The following TMEM230 variants were observed in gnomAD, a reference collection of about 807,000 sequenced individuals.
TMEM230 encodes transmembrane protein 230.
In TMEM230, 10 loss-of-function variants were observed where a neutral mutation model predicts 15.8. The observed-to-expected ratio is 0.63, with a 90% CI of 0.39 to 1.07. The LOEUF is 1.07. Ranked by LOEUF, TMEM230 falls within the 50% of genes least tolerant of loss-of-function variation. The pLI is 0.01. For synonymous variants in TMEM230, 67 were observed against 76.9 expected, an observed-to-expected ratio of 0.87 and a Z score of 0.68; for missense variants, 165 against 193.3, an observed-to-expected ratio of 0.85 and a Z score of 0.87.
At chr20:5,063,696 A>G (rs1007921993), downstream of TMEM230, among the ~76,000 whole-genome samples, 4 of 152,210 alleles carry the variant, frequency 2.6e-5, no homozygotes, top group Admixed American at 1.3e-4. Flanking sequence ...CAGAAAAGTG[A>G]AAAGTCATAC....
rs1302272621 is a variant in TMEM230 at position 5,100,264 on chromosome 20, G to A, written c.*527C>T. On this transcript the variant is annotated 3_prime_UTR_variant, in exon 5 of 5. Coordinates refer to ENST00000342308, the MANE Select transcript of TMEM230 (RefSeq NM_001009923.2). Reference sequence around the variant, plus strand: ...GCTCTGCAGGATAAAAAAATTCCTGGTTGCTGTCAGTAAGAAAGCAAGTAA... The same window carrying A: ...GCTCTGCAGGATAAAAAAATTCCTGATTGCTGTCAGTAAGAAAGCAAGTAA... 1.0e-6 allele frequency: 1 copy of A among 985,308 alleles called. No individual in the cohort carries two copies. Among genetic ancestry groups the A allele is most frequent in the African/African-American group, 1.7e-5 (1 of 57,222 alleles). 61.0% of individuals were successfully genotyped at this position (985,308 alleles called of 1,614,324 possible). A position where few individuals can be genotyped will look rare whatever the true frequency, so the allele number is the denominator to read the frequency against.
chr20:5,072,785 G>A (rs2088868639), intron 3 of TMEM230, among the ~76,000 whole-genome samples: 1 of 145,972 alleles, frequency 6.9e-6, no homozygotes, highest in Admixed American at 7.3e-5. Context: ...GGAGGCGGAG[G>A]TTGCAGTGAG....
At chr20:5,076,651 CT>C (rs572738642) in intron 3 of TMEM230, among the ~76,000 whole-genome samples, 50 of 149,794 alleles carry the variant, frequency 3.3e-4, no homozygotes, top group African/African-American at 1.2e-3. Flanking sequence ...TATACTTTGC[CT>C]GTTTATATTC....
rs6116631 is a variant in TMEM230, at chr20:5,072,719, G to A, written c.223-3370C>T. Among the ~76,000 whole-genome samples, 90 of 151,684 alleles carry A rather than the reference G, an allele frequency of 5.9e-4. 1 individual carries two copies. The highest frequency in any genetic ancestry group is 3.4e-3 in the Middle Eastern group (1 of 294). On this transcript the variant is annotated intron_variant, in intron 3 of 3. Transcript: ENST00000612323. ...CAAAAATTAGACTTGCGTGATGGCCGGCACATGTAGTCCCAGCTACACGGG... is the reference window on the plus strand; with the variant it reads ...CAAAAATTAGACTTGCGTGATGGCCAGCACATGTAGTCCCAGCTACACGGG...
At chr20:5,105,460 G>A (rs1042295404) in intron 4 of TMEM230, among the ~76,000 whole-genome samples, 3 of 151,234 alleles carry the variant, frequency 2.0e-5, no homozygotes, top group Non-Finnish European at 2.9e-5. Flanking sequence ...GTGCGGTGGC[G>A]CACGTCTGTA....
intron 3 of TMEM230, among the ~76,000 whole-genome samples, chr20:5,091,493 G>C (rs1421941590): frequency 1.3e-5 from 2 of 152,112 alleles, no homozygotes; most frequent in Admixed American, 1.3e-4. Context: ...TTACAGGTGT[G>C]AGCCACCGCA....
chr20:5,102,652 C>G (rs778191899), intron 4 of TMEM230, among the ~76,000 whole-genome samples: 47 of 146,120 alleles, frequency 3.2e-4, no homozygotes, highest in Non-Finnish European at 6.2e-4. Context: ...GATCGCACCA[C>G]TGCACTACAC....
intron 3 of TMEM230, among the ~76,000 whole-genome samples, chr20:5,083,212 G>A (rs901936890): frequency 2.0e-5 from 3 of 151,428 alleles, no homozygotes; most frequent in Non-Finnish European, 2.9e-5. Flanking sequence ...ACAGGCGTGA[G>A]CCACCGCACC....
At position 5,100,876 on chromosome 20, in the gene TMEM230, C is replaced by T. The variant is rs768618695; in HGVS notation, c.467G>A (p.Gly156Glu). The change falls in exon 5 of 5, where the codon GGA (glycine) becomes GAA (glutamate). Residue 156 changes from glycine to glutamate, a missense_variant. Physicochemically the swap from Gly to Glu is moderately conservative, Grantham distance 98 (BLOSUM62 -2). Transcript: ENST00000342308. ...GTAAGCGATGCGCAGGTGGTAAAAT[C>T]CGGGTAGGAACACCAGAATGCCAAT... 6.2e-7 allele frequency: 1 copy of T among 1,613,420 alleles called. No homozygotes were observed. Among genetic ancestry groups the T allele is most frequent in the South Asian group, 1.1e-5 (1 of 91,064 alleles).
At chr20:5,096,415 C>T (rs1261759591), downstream of TMEM230, among the ~76,000 whole-genome samples, 2 of 152,154 alleles carry the variant, frequency 1.3e-5, no homozygotes, top group African/African-American at 2.4e-5. Flanking sequence ...CCTGTGAGGC[C>T]AGGAGCCTAT....
At chr20:5,095,332 C>T (rs1012129880), downstream of TMEM230, among the ~76,000 whole-genome samples, 11 of 152,180 alleles carry the variant, frequency 7.2e-5, no homozygotes, top group African/African-American at 2.7e-4. Context: ...TATCCTGCCT[C>T]TCACTGGGTC....
At chr20:5,075,072 T>C (rs939252699) in intron 3 of TMEM230, among the ~76,000 whole-genome samples, 2 of 152,068 alleles carry the variant, frequency 1.3e-5, no homozygotes, top group Non-Finnish European at 2.9e-5. Context: ...GGTACTTTTT[T>C]TTTTTTTTTT....
Position 5,072,639 on chromosome 20 carries a change from G to A in TMEM230, c.223-3290C>T, listed in dbSNP as rs549176302. 3.3e-5 allele frequency among the ~76,000 whole-genome samples: 5 copies of A among 151,922 alleles called. No individual in the cohort carries two copies. The East Asian group carries it at 5.8e-4, about 18-fold the overall frequency. ...TGAGGTGGGCGGATCACCTGAGGTCGGGAGTTCGAGACCAGCCTGACCAAT... is the reference window on the plus strand; with the variant it reads ...TGAGGTGGGCGGATCACCTGAGGTCAGGAGTTCGAGACCAGCCTGACCAAT... On this transcript the variant is annotated intron_variant, in intron 3 of 3. Coordinates refer to the TMEM230 transcript ENST00000612323.
intron 3 of TMEM230, among the ~76,000 whole-genome samples, chr20:5,083,116 T>C (rs1230495744): frequency 6.6e-6 from 1 of 151,358 alleles, no homozygotes; most frequent in Non-Finnish European, 1.5e-5. Context: ...TTAGTAGAGA[T>C]GGGGTTTCAC....
intron 3 of TMEM230, among the ~76,000 whole-genome samples, chr20:5,086,628 CA>C (rs1182274540): frequency 6.6e-6 from 1 of 150,394 alleles, no homozygotes. Context: ...AATACAATGA[CA>C]GATTGTTAAT....
intron 3 of TMEM230, among the ~76,000 whole-genome samples, chr20:5,093,476 C>T (rs1467090435): frequency 6.6e-6 from 1 of 151,744 alleles, no homozygotes; most frequent in Admixed American, 6.6e-5. Context: ...CCTGGGCTCA[C>T]GCAATCTGCC....
intron 3 of TMEM230, among the ~76,000 whole-genome samples, chr20:5,076,434 G>A (rs1014942005): frequency 1.3e-5 from 2 of 151,786 alleles, no homozygotes; most frequent in Non-Finnish European, 2.9e-5. Flanking sequence ...CCAGCTACTC[G>A]GGAGGCTGAG....
chr20:5,071,132 A>G (rs1879939273), intron 3 of TMEM230, among the ~76,000 whole-genome samples: 1 of 152,150 alleles, frequency 6.6e-6, no homozygotes, highest in African/African-American at 2.4e-5. Context: ...ACCAGAAATG[A>G]TGGTAAAGCT....
At chr20:5,065,813 G>C (rs2088646615), downstream of TMEM230, among the ~76,000 whole-genome samples, 1 of 152,198 alleles carries the variant, frequency 6.6e-6, no homozygotes, top group Admixed American at 6.6e-5. Flanking sequence ...ATGTAGTAGG[G>C]ATCACGCCCC....
Sources: gnomAD v4.1 joint callset for allele counts (sites outside exome capture counted in the v4.1 genomes callset) on GRCh38, gnomAD v4.1.1 for gene constraint, MANE v1.5 for transcripts, NCBI Gene and HGNC (gene_info 2026-07-23, HGNC 2026-07-21) for gene names.